KIAA0586: variants seen among roughly 807,000 people sequenced by gnomAD.
KIAA0586 encodes protein TALPID3.
In KIAA0586, 144 loss-of-function variants were observed where a neutral mutation model predicts 169.8. That is an observed-to-expected ratio of 0.85 (90% CI 0.74 to 0.97). The LOEUF (loss-of-function observed/expected upper bound fraction) is 0.97, where lower values mean the gene tolerates loss of function less well. Among genes scored for constraint, KIAA0586 ranks in the 50% least tolerant of loss-of-function variants. KIAA0586 has a pLI of 0.00. For missense variants in KIAA0586, 1,854 were observed against 1,823.0 expected (o/e 1.02, Z -0.31); for synonymous variants, 625 against 612.4 (o/e 1.02, Z -0.30).
Position 58,535,719 on chromosome 14 carries a change from T to A in KIAA0586, c.4430-4352T>A, listed in dbSNP as rs1362636317. On this transcript the variant is annotated intron_variant, in intron 29 of 30. Coordinates refer to ENST00000652326, the MANE Select transcript of KIAA0586 (RefSeq NM_001329943.3). Reference sequence around the variant, plus strand: ...ATTGGATTTTTTTTTTTTTTTTTAGTGAACTCAAATTAGTATAAAAATGTA... The same window carrying A: ...ATTGGATTTTTTTTTTTTTTTTTAGAGAACTCAAATTAGTATAAAAATGTA... Among the ~76,000 whole-genome samples, 10 of 149,698 alleles carry A rather than the reference T, an allele frequency of 6.7e-5. No homozygotes were observed. The East Asian group carries it at 1.8e-3, about 26-fold the overall frequency.
chr14:58,512,218 T>C lies in KIAA0586; in HGVS notation c.4324-304T>C, dbSNP rs954344521. ...CTAAATCCATTATATGTATATAAAG[T>C]AGTTTGATTCATAAGTAGCTCTGAA... On this transcript the variant is annotated intron_variant, in intron 28 of 30. Coordinates refer to ENST00000652326, the MANE Select transcript of KIAA0586 (RefSeq NM_001329943.3). 3.3e-5 allele frequency among the ~76,000 whole-genome samples: 5 copies of C among 152,290 alleles called. No homozygotes were observed. The East Asian group carries it at 5.8e-4, about 18-fold the overall frequency.
intron 20 of KIAA0586, among the ~76,000 whole-genome samples, chr14:58,480,701 C>T (rs961025238): frequency 2.5e-4 from 38 of 152,198 alleles, no homozygotes; most frequent in African/African-American, 8.2e-4. Context: ...TTCTTCATTC[C>T]CCACTCAGCC....
At chr14:58,497,135 C>T (rs185293476) in intron 26 of KIAA0586, among the ~76,000 whole-genome samples, 89 of 151,716 alleles carry the variant, frequency 5.9e-4, no homozygotes, top group South Asian at 1.5e-3. Context: ...CTACCATGCC[C>T]GCTAATTTTG....
At chr14:58,493,084 G>A (rs1326416037) in intron 26 of KIAA0586, among the ~76,000 whole-genome samples, 1 of 152,106 alleles carries the variant, frequency 6.6e-6, no homozygotes, top group Non-Finnish European at 1.5e-5. Context: ...GGAGACATGG[G>A]GGATCTGTCA....
At chr14:58,464,376 T>A (rs1051269119) in intron 14 of KIAA0586, among the ~76,000 whole-genome samples, 2 of 151,992 alleles carry the variant, frequency 1.3e-5, no homozygotes, top group African/African-American at 4.8e-5. Flanking sequence ...CCTTGGTCAG[T>A]TGTACTATTA....
intron 4 of KIAA0586, among the ~76,000 whole-genome samples, chr14:58,436,915 G>A (rs1479562189): frequency 2.0e-5 from 3 of 152,210 alleles, no homozygotes; most frequent in Admixed American, 2.0e-4. Flanking sequence ...AGATAAGCAA[G>A]GGACTAGGTT....
At chr14:58,440,312 C>T (rs1321033263) in intron 4 of KIAA0586, among the ~76,000 whole-genome samples, 3 of 151,934 alleles carry the variant, frequency 2.0e-5, no homozygotes, top group Non-Finnish European at 4.4e-5. Flanking sequence ...CTCTTCCTCC[C>T]TCCCTCCCTC....
At chr14:58,436,220 G>A (rs776601779) in intron 4 of KIAA0586, among the ~76,000 whole-genome samples, 48 of 152,046 alleles carry the variant, frequency 3.2e-4, no homozygotes, top group Non-Finnish European at 5.9e-4. Flanking sequence ...AAAATATTGT[G>A]TATTCAGAAT....
At chr14:58,428,666 C>CTTTTTTT (rs33975443) in intron 1 of KIAA0586, among the ~76,000 whole-genome samples, 1 of 74,152 alleles carries the variant, frequency 1.3e-5, no homozygotes, top group Admixed American at 1.3e-4. Flanking sequence ...CCCTGTTGTG[C>CTTTTTTT]TTTTTTTTTT....
At chr14:58,450,889 T>C (rs991298474) in intron 8 of KIAA0586, 143 bp downstream of exon 8, 1 of 570,302 alleles carries the variant, frequency 1.8e-6, no homozygotes. Context: ...CTTCTTTAGA[T>C]TCTTTGTAAA....
At chr14:58,488,140 A>G in intron 23 of KIAA0586, 31 bp downstream of exon 23, 4 of 1,461,860 alleles carry the variant, frequency 2.7e-6, no homozygotes, top group Admixed American at 2.0e-5. Context: ...TAGTAACTGT[A>G]CATTTCAACT....
At chr14:58,450,473 A>G in intron 7 of KIAA0586, 106 bp from the exon 8 acceptor site, 1 of 660,598 alleles carries the variant, frequency 1.5e-6, no homozygotes, top group Non-Finnish European at 2.6e-6. Flanking sequence ...TTTGTTCATC[A>G]TTTATAATTT....
chr14:58,464,209 T>C, intron 14 of KIAA0586: 1 of 324,770 alleles, frequency 3.1e-6, no homozygotes, highest in Admixed American at 4.2e-5. Context: ...AACATCATTT[T>C]TCTGAGCCAA....
rs1267499182 is a variant in KIAA0586, at chr14:58,467,882, T to A, written c.2402T>A (p.Met801Lys). 3.1e-6 allele frequency: 5 copies of A among 1,613,214 alleles called. No individual in the cohort carries two copies. Among genetic ancestry groups the A allele is most frequent in the Admixed American group, 3.3e-5 (2 of 59,870 alleles). The change falls in exon 16 of 31, where the codon ATG becomes AAG. Residue 801 changes from methionine (M) to lysine (K), a missense_variant. Physicochemically the swap from Met to Lys is moderately conservative, Grantham distance 95. Transcript: ENST00000652326. ...VKKPNIAIVE[M>K]KSEKKDPPQL... ...AAACCTAACATAGCCATTGTAGAAATGAAGTCAGAAAAAAAGGATCCTCCT... is the reference window on the plus strand; with the variant it reads ...AAACCTAACATAGCCATTGTAGAAAAGAAGTCAGAAAAAAAGGATCCTCCT...
Position 58,468,619 on chromosome 14 carries a change from C to T in KIAA0586, c.2442+697C>T, listed in dbSNP as rs541100206. Among the ~76,000 whole-genome samples, 6 of 152,298 alleles carry T rather than the reference C, an allele frequency of 3.9e-5. No individual in the cohort carries two copies. In the South Asian group the frequency reaches 1.2e-3, roughly 32 times the overall value. On this transcript the variant is annotated intron_variant, in intron 16 of 30. Transcript: ENST00000652326. ...GCTCATGTGGGAAGAAACCCTTTGACATTTCACAAACATCTACCCTTCGGC... is the reference window on the plus strand; with the variant it reads ...GCTCATGTGGGAAGAAACCCTTTGATATTTCACAAACATCTACCCTTCGGC...
chr14:58,492,266 T>A lies in KIAA0586; in HGVS notation c.3981T>A (p.Tyr1327Ter), dbSNP rs1170156979. Residue 1327 changes from tyrosine (Y) to a stop codon, truncating the protein, a stop_gained, in exon 26 of 31, where the codon TAT becomes TAA. Coordinates refer to ENST00000652326, the MANE Select transcript of KIAA0586 (RefSeq NM_001329943.3). LOFTEE classifies it high-confidence loss of function. ...QESAVSQQAV[Y>*]HSEDLENSVG... ...CAGCAGTTTCCCAGCAAGCAGTCTA[T>A]CATTCAGAGGTACTTTTTAACTTTA... 1 of 1,547,884 alleles carries A rather than the reference T, an allele frequency of 6.5e-7. No individual in the cohort carries two copies.
intron 30 of KIAA0586, among the ~76,000 whole-genome samples, chr14:58,543,235 C>A (rs1288968692): frequency 6.6e-6 from 1 of 151,178 alleles, no homozygotes; most frequent in Admixed American, 6.6e-5. Context: ...CTTTTTCAGT[C>A]TCTTATTATT....
At chr14:58,509,781 AT>A (rs1459717754) in intron 28 of KIAA0586, among the ~76,000 whole-genome samples, 1 of 152,216 alleles carries the variant, frequency 6.6e-6, no homozygotes, top group African/African-American at 2.4e-5. Context: ...TTAGGCAAAC[AT>A]TTCTGGGATA....
At chr14:58,518,611 C>T (rs185259313) in intron 29 of KIAA0586, among the ~76,000 whole-genome samples, 1 of 152,094 alleles carries the variant, frequency 6.6e-6, no homozygotes, top group Non-Finnish European at 1.5e-5. Flanking sequence ...TAATTGAGGG[C>T]CCTCCACACT....
Sources: gnomAD v4.1 joint callset for allele counts (sites outside exome capture counted in the v4.1 genomes callset) on GRCh38, gnomAD v4.1.1 for gene constraint, MANE v1.5 for transcripts, NCBI Gene and HGNC (gene_info 2026-07-23, HGNC 2026-07-21) for gene names.